Variants in GRID2 observed in about 807,000 individuals in gnomAD.
GRID2 encodes the protein glutamate ionotropic receptor delta type subunit 2.
Under a neutral mutation model 114.8 loss-of-function variants are expected in GRID2, and 33 were observed. That is an observed-to-expected ratio of 0.29 (90% CI 0.22 to 0.38). GRID2 has a LOEUF of 0.38. GRID2 is among the 10% of genes least tolerant of loss of function. GRID2 has a pLI of 1.00. For missense variants in GRID2, 1,184 were observed against 1,257.7 expected (o/e 0.94, Z 0.89); for synonymous variants, 505 against 449.9 (o/e 1.12, Z -1.55).
At chr4:93,178,380 A>ATTTTTTTTT (rs11428288) in intron 4 of GRID2, among the ~76,000 whole-genome samples, 3 of 50,332 alleles carry the variant, frequency 6.0e-5, no homozygotes, top group East Asian at 6.9e-4. Context: ...TTGAAAATAG[A>ATTTTTTTTT]TTTTTTTTTT....
intron 2 of GRID2, among the ~76,000 whole-genome samples, chr4:92,814,938 G>A (rs551756179): frequency 1.3e-5 from 2 of 152,158 alleles, no homozygotes; most frequent in South Asian, 4.1e-4. Context: ...TACTGACAGA[G>A]CTCAAAATGT....
At chr4:92,893,538 A>T (rs992526039) in intron 2 of GRID2, among the ~76,000 whole-genome samples, 1 of 152,206 alleles carries the variant, frequency 6.6e-6, no homozygotes, top group African/African-American at 2.4e-5. Context: ...GGGTTAGAAT[A>T]GCATGATCCC....
chr4:92,464,855 C>T lies in GRID2; in HGVS notation c.89-125276C>T, dbSNP rs189100450. On this transcript the variant is annotated intron_variant, in intron 1 of 15. Transcript: ENST00000282020. ...CCAAATCTCGTGTTGAATTGTTATT[C>T]CCGATGTTAGGGGAAGGACCTGGTG... Among the ~76,000 whole-genome samples the T allele has an allele frequency of 4.3e-3, 655 of 152,136 alleles. 2 individuals carry two copies. The highest frequency in any genetic ancestry group is 0.017 in the Middle Eastern group (5 of 294).
At chr4:93,738,001 A>T (rs1731066896) in intron 14 of GRID2, among the ~76,000 whole-genome samples, 1 of 152,166 alleles carries the variant, frequency 6.6e-6, no homozygotes, top group Admixed American at 6.6e-5. Flanking sequence ...TGGCCATATG[A>T]CTTGCTTTGG....
At chr4:92,560,280 A>G (rs1469481294) in intron 1 of GRID2, among the ~76,000 whole-genome samples, 1 of 151,954 alleles carries the variant, frequency 6.6e-6, no homozygotes, top group Non-Finnish European at 1.5e-5. Context: ...TCCCATTAGA[A>G]CCCCTTTCCT....
intron 2 of GRID2, among the ~76,000 whole-genome samples, chr4:93,073,242 A>G (rs1728964402): frequency 6.6e-6 from 1 of 152,180 alleles, no homozygotes; most frequent in Admixed American, 6.5e-5. Context: ...TAATTGCTTG[A>G]TGTGTACCGT....
rs185613271 is a variant in GRID2, at chr4:92,686,608, A to G, written c.244+96322A>G. ...CTCAGAGCTGTAAAAACAACTGATC[A>G]TTCACTAAACCATTCATCAAGTTAA... On this transcript the variant is annotated intron_variant, in intron 2 of 15. Transcript: ENST00000282020. 5.9e-5 allele frequency among the ~76,000 whole-genome samples: 9 copies of G among 152,234 alleles called. No individual in the cohort carries two copies. In the East Asian group the frequency reaches 1.3e-3, roughly 23 times the overall value.
intron 2 of GRID2, among the ~76,000 whole-genome samples, chr4:92,922,859 G>T (rs1415473256): frequency 6.6e-6 from 1 of 152,166 alleles, no homozygotes; most frequent in Non-Finnish European, 1.5e-5. Flanking sequence ...AATCTATGCT[G>T]TTAGACGTTA....
intron 13 of GRID2, among the ~76,000 whole-genome samples, chr4:93,559,825 A>T (rs1028426615): frequency 3.3e-5 from 5 of 152,344 alleles, no homozygotes; most frequent in Admixed American, 2.6e-4. Context: ...ACTTGGAACC[A>T]ACCCAAATGC....
intron 2 of GRID2, among the ~76,000 whole-genome samples, chr4:92,632,646 A>T (rs1282657212): frequency 6.6e-6 from 1 of 151,832 alleles, no homozygotes; most frequent in Non-Finnish European, 1.5e-5. Flanking sequence ...GAAAGAAAAG[A>T]AAGGAAAGGA....
chr4:93,279,665 GT>G lies in GRID2; in HGVS notation c.1245+41178del, dbSNP rs1752447436. The stretch of plus-strand genomic sequence containing the variant: ...TAAGATATAAAAATGATTTTGCTCC[GT>G]TTAAAGACCTTTGAACTTCATGAAG... On this transcript the variant is annotated intron_variant, in intron 8 of 15. Transcript: ENST00000282020. Among the ~76,000 whole-genome samples, 3 of 151,844 alleles carry G rather than the reference GT, an allele frequency of 2.0e-5. No individual in the cohort carries two copies. In the South Asian group the frequency reaches 6.2e-4, roughly 32 times the overall value.
downstream of GRID2, among the ~76,000 whole-genome samples, chr4:93,776,312 T>C (rs1473711279): frequency 6.6e-6 from 1 of 152,230 alleles, no homozygotes. Flanking sequence ...TCAACAAATA[T>C]TTTAGAAGAC....
chr4:93,272,808 T>C (rs1751606629), intron 8 of GRID2, among the ~76,000 whole-genome samples: 1 of 152,168 alleles, frequency 6.6e-6, no homozygotes, highest in Admixed American at 6.5e-5. Context: ...TGTTTTCTAC[T>C]TTTTTAACTT....
chr4:93,103,896 T>C (rs1416789289), intron 3 of GRID2, among the ~76,000 whole-genome samples: 3 of 151,670 alleles, frequency 2.0e-5, no homozygotes, highest in Admixed American at 6.6e-5. Context: ...AGAAATGGGA[T>C]TGAGCAAAAA....
chr4:93,006,743 C>T lies in GRID2; in HGVS notation c.245-78252C>T, dbSNP rs1721575032. Among the ~76,000 whole-genome samples the T allele has an allele frequency of 2.0e-5, 3 of 151,586 alleles. No homozygotes were observed. The South Asian group carries it at 6.3e-4, about 32-fold the overall frequency. On this transcript the variant is annotated intron_variant, in intron 2 of 15. Transcript: ENST00000282020. Reference sequence around the variant, plus strand: ...TAAAGGCAATAAAATTTTCTCTGACCTTCCACCGGTGGTTGCTTGTTTAGG... The same window carrying T: ...TAAAGGCAATAAAATTTTCTCTGACTTTCCACCGGTGGTTGCTTGTTTAGG...
At chr4:93,202,346 C>T (rs982808440) in intron 4 of GRID2, among the ~76,000 whole-genome samples, 1 of 152,056 alleles carries the variant, frequency 6.6e-6, no homozygotes, top group Non-Finnish European at 1.5e-5. Context: ...TGAGCCCAAA[C>T]AACTATAATA....
chr4:92,587,482 C>T (rs1453119202), intron 1 of GRID2, among the ~76,000 whole-genome samples: 1 of 152,020 alleles, frequency 6.6e-6, no homozygotes, highest in East Asian at 1.9e-4. Flanking sequence ...ACATTGTTTT[C>T]AGAATGCTTG....
chr4:93,324,034 T>C (rs1434324998), intron 8 of GRID2, among the ~76,000 whole-genome samples: 2 of 152,300 alleles, frequency 1.3e-5, no homozygotes, highest in South Asian at 4.1e-4. Flanking sequence ...TTGAGTACCC[T>C]GTATTTCTTT....
At chr4:93,769,552 T>C (rs1578777009) in intron 15 of GRID2, 102 bp downstream of exon 15, 1 of 1,067,116 alleles carries the variant, frequency 9.4e-7, no homozygotes, top group East Asian at 2.4e-5. Flanking sequence ...GTGGTCCTTG[T>C]TTTTTCGTTT....
Sources: allele counts gnomAD v4.1 joint callset (sites outside exome capture counted in the v4.1 genomes callset), GRCh38; gene constraint gnomAD v4.1.1; transcripts MANE v1.5; gene names NCBI Gene and HGNC (gene_info 2026-07-23, HGNC 2026-07-21).